TSGA10: variants seen among roughly 807,000 people sequenced by gnomAD.
TSGA10 encodes testis-specific gene 10 protein.
Under a neutral mutation model 96.6 loss-of-function variants are expected in TSGA10, and 43 were observed. That is an observed-to-expected ratio of 0.44 (90% CI 0.35 to 0.57). The LOEUF (loss-of-function observed/expected upper bound fraction) is 0.57. Ranked by LOEUF, TSGA10 falls within the 20% of genes least tolerant of loss-of-function variation. TSGA10 has a pLI of 0.01. For synonymous variants in TSGA10, 229 were observed against 269.9 expected, an observed-to-expected ratio of 0.85 and a Z score of 1.48; for missense variants, 703 against 834.4, an observed-to-expected ratio of 0.84 and a Z score of 1.94.
chr2:99,033,166 T>C (rs2081297121), intron 17 of TSGA10, among the ~76,000 whole-genome samples: 1 of 152,196 alleles, frequency 6.6e-6, no homozygotes. Flanking sequence ...CACTGTGTCA[T>C]CTATAGAGAA....
At chr2:99,071,029 T>C (rs763315654) in intron 14 of TSGA10, among the ~76,000 whole-genome samples, 5 of 152,164 alleles carry the variant, frequency 3.3e-5, no homozygotes, top group Non-Finnish European at 5.9e-5. Flanking sequence ...TAACAAAGTA[T>C]TACAGCTTTA....
intron 1 of TSGA10, chr2:99,142,150 T>G (rs2093572119): frequency 6.6e-6 from 1 of 152,256 alleles, no homozygotes; most frequent in Non-Finnish European, 1.5e-5. Flanking sequence ...CGCTGCATTC[T>G]TCTACCAATT....
intron 1 of TSGA10, among the ~76,000 whole-genome samples, chr2:99,142,850 G>A (rs542499806): frequency 3.3e-5 from 5 of 152,134 alleles, no homozygotes; most frequent in African/African-American, 7.2e-5. Flanking sequence ...TGAAGACTTC[G>A]GGGGTGGGGA....
chr2:99,150,045 G>A (rs1219271858), intron 1 of TSGA10, among the ~76,000 whole-genome samples: 1 of 151,944 alleles, frequency 6.6e-6, no homozygotes, highest in Non-Finnish European at 1.5e-5. Context: ...CACCCGCCTC[G>A]GCCCCCAAAG....
chr2:99,133,088 G>A (rs1185309175), intron 1 of TSGA10, among the ~76,000 whole-genome samples: 3 of 152,298 alleles, frequency 2.0e-5, no homozygotes, highest in African/African-American at 7.2e-5. Context: ...AGAGAGTTCT[G>A]TAGATGTCTG....
At chr2:99,081,231 G>GTTTTTT in intron 11 of TSGA10, 51 bp downstream of exon 11, 1 of 1,048,624 alleles carries the variant, frequency 9.5e-7, no homozygotes, top group Non-Finnish European at 1.4e-6. Context: ...ATACATCTTT[G>GTTTTTT]CTACCAAACT....
chr2:99,150,786 G>A (rs761118210), intron 1 of TSGA10: 22 of 1,605,854 alleles, frequency 1.4e-5, no homozygotes, highest in Non-Finnish European at 1.9e-5. Flanking sequence ...TGGGTTCAGT[G>A]GTATATGTCA....
At chr2:99,016,195 C>G (rs530834102) in intron 20 of TSGA10, among the ~76,000 whole-genome samples, 20 of 152,174 alleles carry the variant, frequency 1.3e-4, no homozygotes, top group African/African-American at 4.3e-4. Context: ...CATAGCAAGA[C>G]TAAGCAAAAA....
intron 17 of TSGA10, among the ~76,000 whole-genome samples, chr2:99,033,744 G>A (rs890355567): frequency 2.6e-5 from 4 of 152,186 alleles, no homozygotes; most frequent in Admixed American, 2.6e-4. Flanking sequence ...GGAGGCTGAG[G>A]CAGGAGAATT....
intron 10 of TSGA10, among the ~76,000 whole-genome samples, chr2:99,097,334 A>G (rs2090167375): frequency 6.6e-6 from 1 of 152,198 alleles, no homozygotes; most frequent in Admixed American, 6.5e-5. Flanking sequence ...AAAGGCAACA[A>G]AAGGAATGAA....
At chr2:99,035,937 T>C (rs2081584015) in intron 16 of TSGA10, among the ~76,000 whole-genome samples, 1 of 152,130 alleles carries the variant, frequency 6.6e-6, no homozygotes, top group Non-Finnish European at 1.5e-5. Flanking sequence ...CACTTACTAA[T>C]ACCTCTGAGG....
chr2:99,004,043 A>G (rs1362230783), intron 20 of TSGA10, among the ~76,000 whole-genome samples: 1 of 152,130 alleles, frequency 6.6e-6, no homozygotes, highest in Admixed American at 6.6e-5. Context: ...AAATTGACAC[A>G]CCACTAGCAA....
intron 12 of TSGA10, among the ~76,000 whole-genome samples, chr2:99,074,053 C>CGAGGCG (rs2086355066): frequency 1.2e-5 from 1 of 83,776 alleles, no homozygotes; most frequent in Non-Finnish European, 2.1e-5. Context: ...GCTCTTGATG[C>CGAGGCG]CCCGGCTGGA....
intron 1 of TSGA10, chr2:99,141,926 C>G (rs1273600719): frequency 6.6e-6 from 1 of 152,398 alleles, no homozygotes; most frequent in Non-Finnish European, 1.5e-5. Flanking sequence ...GGGAGCGAGC[C>G]GGCCTGTCCC....
chr2:99,105,335 A>C, intron 9 of TSGA10, 24 bp downstream of exon 9: 4 of 1,505,922 alleles, frequency 2.7e-6, no homozygotes, highest in Non-Finnish European at 3.6e-6. Flanking sequence ...GCCAAAAGAG[A>C]CTTTTCTTTT....
intron 10 of TSGA10, among the ~76,000 whole-genome samples, chr2:99,100,624 T>A (rs1430461869): frequency 6.6e-6 from 1 of 151,456 alleles, no homozygotes; most frequent in Non-Finnish European, 1.5e-5. Context: ...ATCGAGACCA[T>A]CCTGGCTAAC....
intron 20 of TSGA10, among the ~76,000 whole-genome samples, chr2:99,000,696 G>C (rs1200467460): frequency 2.0e-5 from 3 of 152,192 alleles, no homozygotes; most frequent in African/African-American, 7.2e-5. Flanking sequence ...CCAAAGCAGG[G>C]CAGGGCATCG....
In TSGA10 at chr2:99,104,111, T is replaced by C. The variant is rs754956520; in HGVS notation, c.467A>G (p.Asp156Gly). ...ATTTGACATTTGCTCCATACGTTCA[T>C]CATCAAGCTATACAAGTAGAATGAC... ...ELECTVHNLDDERMEQMSNMT... is the reference protein window; with the variant it reads ...ELECTVHNLDGERMEQMSNMT... Residue 156 changes from aspartate (D) to glycine (G), a missense_variant, in exon 10 of 21, where the codon GAT (aspartate) becomes GGT (glycine). Physicochemically the swap from Asp to Gly is moderately conservative, Grantham distance 94. Transcript: ENST00000393483. The C allele has an allele frequency of 5.8e-5, 94 of 1,613,604 alleles. No individual in the cohort carries two copies. Among genetic ancestry groups the C allele is most frequent in the Non-Finnish European group, 7.8e-5 (92 of 1,179,940 alleles).
chr2:99,143,164 CAG>C (rs1362368356), intron 1 of TSGA10, among the ~76,000 whole-genome samples: 8 of 100,908 alleles, frequency 7.9e-5, no homozygotes, highest in African/African-American at 2.7e-4. Flanking sequence ...TTTTTTGAGA[CAG>C]AGTCTCACTC....
Sources: gnomAD v4.1 joint callset for allele counts (sites outside exome capture counted in the v4.1 genomes callset) on GRCh38, gnomAD v4.1.1 for gene constraint, MANE v1.5 for transcripts, NCBI Gene and HGNC (gene_info 2026-07-23, HGNC 2026-07-21) for gene names.